OTOA: variants seen among roughly 807,000 people sequenced by gnomAD.
OTOA encodes the protein cancer/testis antigen 108.
A neutral mutation model predicts 110.8 loss-of-function variants in OTOA; 70 were observed. The ratio of observed to expected loss-of-function variants is 0.63; its 90% CI spans 0.52 to 0.77. OTOA has a LOEUF of 0.77. Among genes scored for constraint, OTOA ranks in the 30% least tolerant of loss-of-function variants. The pLI is 0.00. For synonymous variants in OTOA, 373 were observed against 431.5 expected, an observed-to-expected ratio of 0.86 and a Z score of 1.68; for missense variants, 917 against 1,075.8, an observed-to-expected ratio of 0.85 and a Z score of 2.06.
chr16:21,719,254 C>G (rs1898650938), intron 16 of OTOA, 63 bp downstream of exon 16: 1 of 1,599,254 alleles, frequency 6.3e-7, no homozygotes, highest in East Asian at 2.2e-5. Context: ...GCCAGAGCAG[C>G]CTACTTTTCC....
At chr16:21,695,263 G>A (rs1262923450) in intron 9 of OTOA, among the ~76,000 whole-genome samples, 1 of 145,036 alleles carries the variant, frequency 6.9e-6, no homozygotes, top group Non-Finnish European at 1.5e-5. Flanking sequence ...AGATTAGCCT[G>A]ATGTGGTGAT....
At chr16:21,735,592 A>G (rs778929274) in intron 21 of OTOA, among the ~76,000 whole-genome samples, 2 of 151,736 alleles carry the variant, frequency 1.3e-5, no homozygotes, top group Non-Finnish European at 2.9e-5. Flanking sequence ...GTACACATAC[A>G]TTTTTTTTGT....
chr16:21,673,706 C>T (rs937280859), intron 1 of OTOA, among the ~76,000 whole-genome samples: 1 of 152,150 alleles, frequency 6.6e-6, no homozygotes, highest in Non-Finnish European at 1.5e-5. Flanking sequence ...AACCATTCAC[C>T]TACGGAATGA....
intron 9 of OTOA, among the ~76,000 whole-genome samples, chr16:21,692,942 A>AAG (rs536563742): frequency 0.019 from 2,845 of 148,526 alleles, 55 homozygotes; most frequent in Non-Finnish European, 0.031. Flanking sequence ...AAAAAAAAAA[A>AAG]AAAGAAAGAA....
chr16:21,668,116 T>C (rs903117844), intron 1 of OTOA, among the ~76,000 whole-genome samples: 1 of 152,174 alleles, frequency 6.6e-6, no homozygotes, highest in Admixed American at 6.5e-5. Flanking sequence ...CACAATTTTT[T>C]GGGTTTTTTT....
In OTOA at chr16:21,719,414, C is replaced by T; in HGVS notation, c.1716C>T (p.Thr572=). Residue 572 remains threonine (T), a synonymous_variant, in exon 17 of 29, where the codon ACC becomes ACT. Transcript: ENST00000646100. ...CTGGGCAGCTGGTCAAAGGCGTGACCTGCTCACACATTGATGCCATGAGCA... is the reference window on the plus strand; with the variant it reads ...CTGGGCAGCTGGTCAAAGGCGTGACTTGCTCACACATTGATGCCATGAGCA... The part of the protein sequence containing the change: ...LSAGQLVKGV[T]CSHIDAMSTD... 6.2e-7 allele frequency: 1 copy of T among 1,614,148 alleles called. No homozygotes were observed. The highest frequency in any genetic ancestry group is 8.5e-7 in the Non-Finnish European group (1 of 1,180,024).
rs998112012 is a variant in OTOA at position 21,719,071 on chromosome 16, C to T, written c.1630-62C>T. ...TTGTGGAATGCCTTCCTGATAGGGC[C>T]TCACAGTGTTGGGCACACGCTGAGT... On this transcript the variant is annotated intron_variant, in intron 15 of 28. Coordinates refer to ENST00000646100, the MANE Select transcript of OTOA (RefSeq NM_144672.4). 5 of 1,507,734 alleles carry T rather than the reference C, an allele frequency of 3.3e-6. No individual in the cohort carries two copies. The African/African-American group carries it at 6.9e-5, about 21-fold the overall frequency. 93.4% of individuals were successfully genotyped at this position (1,507,734 alleles called of 1,614,324 possible). A position where few individuals can be genotyped will look rare whatever the true frequency, so the allele number is the denominator to read the frequency against.
Position 21,681,843 on chromosome 16 carries a change from A to G in OTOA, c.267+18A>G. The G allele has an allele frequency of 2.5e-6, 4 of 1,602,710 alleles. No homozygotes were observed. Among genetic ancestry groups the G allele is most frequent in the Non-Finnish European group, 3.4e-6 (4 of 1,169,676 alleles). Reference sequence around the variant, plus strand: ...GCCTGCAGGTGTGTACCTGAGACCCATCTATATGTTCCCATCTCAGTGCTC... The same window carrying G: ...GCCTGCAGGTGTGTACCTGAGACCCGTCTATATGTTCCCATCTCAGTGCTC... On this transcript the variant is annotated intron_variant, in intron 6 of 28. Transcript: ENST00000646100.
At chr16:21,665,098 G>C (rs1363093218) in intron 1 of OTOA, among the ~76,000 whole-genome samples, 1 of 152,188 alleles carries the variant, frequency 6.6e-6, no homozygotes, top group East Asian at 1.9e-4. Context: ...GCCTATAGAG[G>C]TTAAGGAATT....
intron 5 of OTOA, among the ~76,000 whole-genome samples, chr16:21,680,541 G>A (rs1966880629): frequency 6.6e-6 from 1 of 151,322 alleles, no homozygotes. Flanking sequence ...AAACAAAGAA[G>A]CAAACGTAAG....
chr16:21,685,926 G>T (rs1038194380), intron 7 of OTOA, among the ~76,000 whole-genome samples: 1 of 152,022 alleles, frequency 6.6e-6, no homozygotes, highest in Non-Finnish European at 1.5e-5. Context: ...TGGTTGTTTG[G>T]GTCAATAAAC....
In OTOA at chr16:21,707,536, C is replaced by T. The variant is rs72782889; in HGVS notation, c.1104+2244C>T. Among the ~76,000 whole-genome samples, 449 of 151,500 alleles carry T rather than the reference C, an allele frequency of 3.0e-3. 3 individuals are homozygous for T. The highest frequency in any genetic ancestry group is 6.8e-3 in the Middle Eastern group (2 of 292). ...AGTGCATGACATTTATTGTGCTCTT[C>T]CTTCCTTCCCTCCCTTCCTCCCTCC... is the stretch of plus-strand genomic sequence containing the variant. On this transcript the variant is annotated intron_variant, in intron 12 of 28. Coordinates refer to ENST00000646100, the MANE Select transcript of OTOA (RefSeq NM_144672.4).
intron 5 of OTOA, 100 bp downstream of exon 5, chr16:21,679,311 C>G: frequency 7.8e-7 from 1 of 1,282,834 alleles, no homozygotes; most frequent in Admixed American, 1.8e-5. Context: ...GTGCTCATTA[C>G]AAAAAATGTC....
intron 28 of OTOA, among the ~76,000 whole-genome samples, chr16:21,759,306 A>G (rs1900093427): frequency 6.6e-6 from 1 of 152,028 alleles, no homozygotes; most frequent in African/African-American, 2.4e-5. Context: ...CACTTTTCAC[A>G]AAAGCTTATT....
At chr16:21,756,558 T>A (rs1408940477) in intron 27 of OTOA, among the ~76,000 whole-genome samples, 8 of 152,064 alleles carry the variant, frequency 5.3e-5, no homozygotes, top group Non-Finnish European at 1.0e-4. Context: ...CATCAGTGTT[T>A]CAGGAGGTGG....
chr16:21,723,022 C>T (rs1195602654), intron 18 of OTOA, 44 bp downstream of exon 18: 25 of 1,585,502 alleles, frequency 1.6e-5, no homozygotes, highest in African/African-American at 4.0e-5. Context: ...TCAGTGAGAT[C>T]GGTGGGAATC....
At chr16:21,714,803 C>T (rs1268969232) in intron 13 of OTOA, among the ~76,000 whole-genome samples, 182 bp from the exon 14 acceptor site, 1 of 152,168 alleles carries the variant, frequency 6.6e-6, no homozygotes, top group African/African-American at 2.4e-5. Context: ...AGCCACCATG[C>T]CTGGCCAACT....
intron 13 of OTOA, among the ~76,000 whole-genome samples, chr16:21,712,415 A>G (rs1898385408): frequency 6.6e-6 from 1 of 152,118 alleles, no homozygotes; most frequent in Non-Finnish European, 1.5e-5. Flanking sequence ...TTACTAACCT[A>G]GCACCGTAAT....
intron 17 of OTOA, chr16:21,721,243 AC>A: frequency 4.6e-6 from 2 of 432,384 alleles, no homozygotes; most frequent in South Asian, 3.2e-5. Context: ...ACACACACAC[AC>A]ACACACACAC....
Sources: allele counts gnomAD v4.1 joint callset (sites outside exome capture counted in the v4.1 genomes callset), GRCh38; gene constraint gnomAD v4.1.1; transcripts MANE v1.5; gene names NCBI Gene and HGNC (gene_info 2026-07-23, HGNC 2026-07-21).